The following PRR16 variants were observed in gnomAD, a reference collection of about 807,000 sequenced individuals.
PRR16 encodes the protein protein Largen.
Under a neutral mutation model 18.2 loss-of-function variants are expected in PRR16, and 6 were observed. That is an observed-to-expected ratio of 0.33 (90% CI 0.18 to 0.65). The LOEUF (loss-of-function observed/expected upper bound fraction) is 0.65. Ranked by LOEUF, PRR16 falls within the 30% of genes least tolerant of loss-of-function variation. The probability of loss-of-function intolerance (pLI) is 0.74; values close to 1 mark genes in which losing one functional copy is unlikely to be tolerated. For missense variants in PRR16, 412 were observed against 376.6 expected (o/e 1.09, Z -0.78); for synonymous variants, 151 against 147.8 (o/e 1.02, Z -0.16).
At chr5:120,626,206 C>G (rs1051600383) in intron 1 of PRR16, among the ~76,000 whole-genome samples, 26 of 152,130 alleles carry the variant, frequency 1.7e-4, no homozygotes, top group African/African-American at 6.0e-4. Flanking sequence ...TGAAAACAAT[C>G]CAAATGTTCA....
At chr5:120,566,330 C>T (rs1053864358) in intron 1 of PRR16, among the ~76,000 whole-genome samples, 2 of 152,166 alleles carry the variant, frequency 1.3e-5, no homozygotes, top group African/African-American at 2.4e-5. Context: ...ATGAAGAACC[C>T]AGTCTGTGGT....
chr5:120,656,490 T>G (rs1226264387), intron 1 of PRR16, among the ~76,000 whole-genome samples: 1 of 146,118 alleles, frequency 6.8e-6, no homozygotes, highest in Non-Finnish European at 1.5e-5. Context: ...AAAAAAAAAT[T>G]ACTAAAGTAC....
intron 1 of PRR16, among the ~76,000 whole-genome samples, chr5:120,477,755 TC>T (rs1307616065): frequency 1.3e-5 from 2 of 152,180 alleles, no homozygotes; most frequent in Non-Finnish European, 2.9e-5. Flanking sequence ...TCTAATGTCC[TC>T]CCCAATTTAC....
intron 1 of PRR16, among the ~76,000 whole-genome samples, chr5:120,490,060 C>G (rs1036490506): frequency 6.6e-6 from 1 of 152,140 alleles, no homozygotes; most frequent in African/African-American, 2.4e-5. Context: ...GGTAACCCGA[C>G]CTTTCTCTCT....
At chr5:120,700,694 G>T in the PRR16 span, among the ~76,000 whole-genome samples, 2 of 152,068 alleles carry the variant, frequency 1.3e-5, no homozygotes, top group Non-Finnish European at 2.9e-5. Context: ...CAGTTATGGA[G>T]GCAAGGGAAA....
the PRR16 span, among the ~76,000 whole-genome samples, chr5:120,698,796 A>G: frequency 6.6e-6 from 1 of 152,194 alleles, no homozygotes; most frequent in African/African-American, 2.4e-5. Context: ...TGTGTTTTTA[A>G]AAGACCTTTA....
At chr5:120,702,028 G>A in the PRR16 span, among the ~76,000 whole-genome samples, 1 of 152,050 alleles carries the variant, frequency 6.6e-6, no homozygotes, top group Non-Finnish European at 1.5e-5. Flanking sequence ...TGAGAACACA[G>A]GCCAAGGGAG....
the PRR16 span, among the ~76,000 whole-genome samples, chr5:120,780,042 CA>C: frequency 8.5e-5 from 13 of 152,156 alleles, no homozygotes; most frequent in African/African-American, 2.7e-4. Flanking sequence ...CTTTTGTCAT[CA>C]ACCTTGGGAG....
intron 1 of PRR16, among the ~76,000 whole-genome samples, chr5:120,630,768 C>A (rs1402270793): frequency 6.6e-6 from 1 of 152,066 alleles, no homozygotes; most frequent in Non-Finnish European, 1.5e-5. Context: ...GTTTAGTTAC[C>A]CAGCAAATGA....
chr5:120,556,821 C>A (rs1460072912), intron 1 of PRR16, among the ~76,000 whole-genome samples: 1 of 151,834 alleles, frequency 6.6e-6, no homozygotes, highest in Non-Finnish European at 1.5e-5. Flanking sequence ...GCTGAACCTA[C>A]AAAATCATAT....
chr5:120,548,174 T>C (rs918572347), intron 1 of PRR16, among the ~76,000 whole-genome samples: 3 of 152,084 alleles, frequency 2.0e-5, no homozygotes, highest in Admixed American at 6.6e-5. Context: ...CAGACATGAT[T>C]TACATAACCA....
Position 120,587,964 on chromosome 5 carries a change from A to G in PRR16, c.160-97990A>G, listed in dbSNP as rs529403248. ...TTTGTGATTCATGGGAAGAATTCAA[A>G]ATGTTGACATTAACTGGAGTTTGGA... On this transcript the variant is annotated intron_variant, in intron 1 of 1. Transcript: ENST00000407149. Among the ~76,000 whole-genome samples the G allele has an allele frequency of 3.3e-5, 5 of 152,340 alleles. No homozygotes were observed. The South Asian group carries it at 1.0e-3, about 32-fold the overall frequency.
At chr5:120,704,925 G>A in the PRR16 span, among the ~76,000 whole-genome samples, 1 of 152,078 alleles carries the variant, frequency 6.6e-6, no homozygotes, top group Non-Finnish European at 1.5e-5. Context: ...TTTACGTGGA[G>A]CATTAAAACG....
chr5:120,757,579 A>C, the PRR16 span, among the ~76,000 whole-genome samples: 1 of 152,068 alleles, frequency 6.6e-6, no homozygotes, highest in Non-Finnish European at 1.5e-5. Context: ...GTTTGAAATC[A>C]AGAAAATAAT....
intron 1 of PRR16, among the ~76,000 whole-genome samples, chr5:120,539,918 A>C (rs1358581717): frequency 6.6e-6 from 1 of 151,946 alleles, no homozygotes; most frequent in African/African-American, 2.4e-5. Context: ...ATTGTGTTTT[A>C]TATTATAGGT....
At chr5:120,595,018 A>G (rs1269784061) in intron 1 of PRR16, among the ~76,000 whole-genome samples, 1 of 151,830 alleles carries the variant, frequency 6.6e-6, no homozygotes, top group Non-Finnish European at 1.5e-5. Flanking sequence ...AAGATAACCT[A>G]GGAAATATAA....
chr5:120,470,551 G>T (rs1218480160), intron 1 of PRR16, among the ~76,000 whole-genome samples: 2 of 152,052 alleles, frequency 1.3e-5, no homozygotes, highest in East Asian at 1.9e-4. Flanking sequence ...ACACAGATTT[G>T]CTATAAGTTA....
the PRR16 span, among the ~76,000 whole-genome samples, chr5:120,766,307 G>T: frequency 6.6e-6 from 1 of 151,802 alleles, no homozygotes; most frequent in African/African-American, 2.4e-5. Context: ...GTATGTAGTG[G>T]TATCATGTTG....
At chr5:120,611,266 T>A (rs1263528005) in intron 1 of PRR16, among the ~76,000 whole-genome samples, 1 of 152,210 alleles carries the variant, frequency 6.6e-6, no homozygotes, top group African/African-American at 2.4e-5. Context: ...GCAGCCTGAC[T>A]ATGTGATGGA....
Sources: allele counts gnomAD v4.1 joint callset (sites outside exome capture counted in the v4.1 genomes callset), GRCh38; gene constraint gnomAD v4.1.1; transcripts MANE v1.5; gene names NCBI Gene and HGNC (gene_info 2026-07-23, HGNC 2026-07-21).